Variants in MGAT4C observed in about 807,000 individuals in gnomAD.
MGAT4C encodes MGAT4 family member C.
A neutral mutation model predicts 40.1 loss-of-function variants in MGAT4C; 19 were observed. The ratio of observed to expected loss-of-function variants is 0.47; its 90% CI spans 0.33 to 0.70. The LOEUF (loss-of-function observed/expected upper bound fraction) is 0.70, where lower values mean the gene tolerates loss of function less well. Among genes scored for constraint, MGAT4C ranks in the 30% least tolerant of loss-of-function variants. The pLI is 0.02. For synonymous variants in MGAT4C, 181 were observed against 187.1 expected (o/e 0.97, Z 0.27); for missense variants, 491 against 563.2 (o/e 0.87, Z 1.30).
At chr12:86,777,017 T>A (rs1008593400) in intron 1 of MGAT4C, among the ~76,000 whole-genome samples, 1 of 152,146 alleles carries the variant, frequency 6.6e-6, no homozygotes, top group Admixed American at 6.6e-5. Context: ...ACTTACCCAC[T>A]TCTTCGTGAA....
intron 1 of MGAT4C, among the ~76,000 whole-genome samples, chr12:86,240,162 GCA>G (rs140732034): frequency 8.0e-5 from 12 of 149,918 alleles, no homozygotes; most frequent in African/African-American, 7.3e-5. Context: ...CATTTCAAAA[GCA>G]CACACACACA....
chr12:86,665,071 T>C (rs1964070174), intron 2 of MGAT4C, among the ~76,000 whole-genome samples: 1 of 152,054 alleles, frequency 6.6e-6, no homozygotes, highest in Non-Finnish European at 1.5e-5. Context: ...CACCTTGTTC[T>C]ATCTGGTCCA....
chr12:86,242,255 G>A (rs1036206783), intron 1 of MGAT4C, among the ~76,000 whole-genome samples: 3 of 152,196 alleles, frequency 2.0e-5, no homozygotes, highest in South Asian at 2.1e-4. Context: ...CAGAGAACGC[G>A]TTACAAAAAA....
At chr12:86,414,566 C>A (rs7975314) in intron 3 of MGAT4C, among the ~76,000 whole-genome samples, 135,524 of 152,156 alleles carry the variant, frequency 0.89, 60,563 homozygotes, top group East Asian at 1. Context: ...TGATTTCCTA[C>A]CTGTAGGTGT....
At chr12:86,185,461 C>T (rs898583463) in intron 1 of MGAT4C, among the ~76,000 whole-genome samples, 1 of 152,078 alleles carries the variant, frequency 6.6e-6, no homozygotes, top group South Asian at 2.1e-4. Flanking sequence ...CAGCATTTAG[C>T]AAGTCTTGGG....
intron 2 of MGAT4C, among the ~76,000 whole-genome samples, chr12:86,643,325 G>A (rs908426529): frequency 3.3e-5 from 5 of 151,682 alleles, no homozygotes; most frequent in African/African-American, 1.2e-4. Context: ...AAATTTGGGG[G>A]ACACATTCAA....
At chr12:86,339,695 A>G (rs773807720) in intron 3 of MGAT4C, among the ~76,000 whole-genome samples, 2 of 151,922 alleles carry the variant, frequency 1.3e-5, no homozygotes, top group Non-Finnish European at 2.9e-5. Flanking sequence ...AGCCTCTCTG[A>G]TTAATATTCT....
intron 2 of MGAT4C, among the ~76,000 whole-genome samples, chr12:86,029,372 G>A (rs1890530648): frequency 6.6e-6 from 1 of 151,842 alleles, no homozygotes; most frequent in Non-Finnish European, 1.5e-5. Flanking sequence ...ATAAAATACT[G>A]ACCTTACTAT....
chr12:86,718,753 T>C (rs1373513242), intron 2 of MGAT4C, among the ~76,000 whole-genome samples: 2 of 152,122 alleles, frequency 1.3e-5, no homozygotes, highest in Non-Finnish European at 2.9e-5. Flanking sequence ...AACCCTATTG[T>C]GAACTGTGCA....
chr12:86,626,722 A>T (rs1375815555), intron 2 of MGAT4C, among the ~76,000 whole-genome samples: 1 of 152,232 alleles, frequency 6.6e-6, no homozygotes, highest in Non-Finnish European at 1.5e-5. Context: ...TAATAGAATT[A>T]TTCCCTAAAA....
intron 3 of MGAT4C, among the ~76,000 whole-genome samples, chr12:86,336,124 C>T (rs764605840): frequency 6.6e-6 from 1 of 152,270 alleles, no homozygotes; most frequent in Non-Finnish European, 1.5e-5. Flanking sequence ...TAAATAGTTG[C>T]TATCCTGTAT....
chr12:86,600,342 A>G (rs1961720720), intron 2 of MGAT4C, among the ~76,000 whole-genome samples: 1 of 152,224 alleles, frequency 6.6e-6, no homozygotes, highest in Non-Finnish European at 1.5e-5. Flanking sequence ...GTGCATCGGT[A>G]GCTGTTCATA....
upstream of MGAT4C, among the ~76,000 whole-genome samples, chr12:86,256,974 C>T (rs975108624): frequency 3.9e-5 from 6 of 151,994 alleles, no homozygotes; most frequent in African/African-American, 1.4e-4. Flanking sequence ...ACACTGTTTG[C>T]AAAGTTTCAT....
intron 2 of MGAT4C, among the ~76,000 whole-genome samples, chr12:86,464,004 A>G (rs534106177): frequency 6.6e-6 from 1 of 152,324 alleles, no homozygotes; most frequent in African/African-American, 2.4e-5. Context: ...TACTTAAGAA[A>G]GCAGCACCAC....
rs552999084 is a variant in MGAT4C at position 86,039,173 on chromosome 12, T to C, written c.-7+10501A>G. 6.7e-3 allele frequency among the ~76,000 whole-genome samples: 1,013 copies of C among 152,022 alleles called. 4 individuals carry two copies. Among genetic ancestry groups the C allele is most frequent in the Non-Finnish European group, 9.3e-3 (630 of 67,848 alleles). On this transcript the variant is annotated intron_variant, in intron 2 of 4. Transcript: ENST00000611864. ...ATATTTTTTTCCTTCATTTCAACCT[T>C]GGTGAATCTGATGATTATGTGTCTT...
At chr12:85,981,475 G>C (rs1393783411) in intron 4 of MGAT4C, among the ~76,000 whole-genome samples, 1 of 152,066 alleles carries the variant, frequency 6.6e-6, no homozygotes, top group Non-Finnish European at 1.5e-5. Flanking sequence ...CAGAGAGATT[G>C]TGATTTACAC....
chr12:86,334,752 T>G (rs1190546789), intron 3 of MGAT4C, among the ~76,000 whole-genome samples: 3 of 152,080 alleles, frequency 2.0e-5, no homozygotes, highest in Non-Finnish European at 4.4e-5. Context: ...GAACTTCAGT[T>G]AGTAGGCAAT....
intron 2 of MGAT4C, among the ~76,000 whole-genome samples, chr12:86,644,107 G>GA (rs1963470181): frequency 6.6e-6 from 1 of 151,420 alleles, no homozygotes; most frequent in East Asian, 1.9e-4. Flanking sequence ...TAATCACTTT[G>GA]ATTATATTAG....
intron 3 of MGAT4C, among the ~76,000 whole-genome samples, chr12:86,428,063 CA>C (rs58989547): frequency 1.3e-5 from 2 of 150,264 alleles, no homozygotes; most frequent in African/African-American, 5.0e-5. Context: ...ACCACAACAA[CA>C]AAAAAACCCG....
Sources: allele counts gnomAD v4.1 joint callset (sites outside exome capture counted in the v4.1 genomes callset), GRCh38; gene constraint gnomAD v4.1.1; transcripts MANE v1.5; gene names NCBI Gene and HGNC (gene_info 2026-07-23, HGNC 2026-07-21).